The following CHCHD3 variants were observed in gnomAD, a reference collection of about 807,000 sequenced individuals.
The protein encoded by CHCHD3 is MICOS complex subunit MIC19.
Under a neutral mutation model 38.2 loss-of-function variants are expected in CHCHD3, and 20 were observed. The ratio of observed to expected loss-of-function variants is 0.52; its 90% CI spans 0.37 to 0.76. The LOEUF is 0.76. Ranked by LOEUF, CHCHD3 falls within the 30% of genes least tolerant of loss-of-function variation. The probability of loss-of-function intolerance (pLI) is 0.00; values close to 1 mark genes in which losing one functional copy is unlikely to be tolerated. For missense variants in CHCHD3, 245 were observed against 279.2 expected (o/e 0.88, Z 0.87); for synonymous variants, 82 against 100.0 (o/e 0.82, Z 1.07).
chr7:132,935,033 G>A (rs1334364725), intron 4 of CHCHD3, among the ~76,000 whole-genome samples: 1 of 152,190 alleles, frequency 6.6e-6, no homozygotes, highest in Non-Finnish European at 1.5e-5. Flanking sequence ...GGAAAGACAA[G>A]TTCTGAGTAT....
intron 4 of CHCHD3, among the ~76,000 whole-genome samples, chr7:132,932,602 T>G (rs1016398946): frequency 2.6e-5 from 4 of 152,214 alleles, no homozygotes; most frequent in Non-Finnish European, 5.9e-5. Context: ...CAAGTTAAGC[T>G]GCCGCACACA....
In CHCHD3 at chr7:132,824,314, CTTTTT is replaced by C. The variant is rs57262694; in HGVS notation, c.524+14080_524+14084del. 2.4e-4 allele frequency among the ~76,000 whole-genome samples: 22 copies of C among 90,128 alleles called. No individual in the cohort carries two copies. The South Asian group carries it at 3.1e-3, about 13-fold the overall frequency. 59.1% of individuals were successfully genotyped at this position (90,128 alleles called of 152,430 possible). A position where few individuals can be genotyped will look rare whatever the true frequency, so the allele number is the denominator to read the frequency against. On this transcript the variant is annotated intron_variant, in intron 6 of 7. Coordinates refer to ENST00000262570, the MANE Select transcript of CHCHD3 (RefSeq NM_017812.4). ...AAAAATATTCCCAAGTAGTAGAACT[CTTTTT>C]TTTTTTTTTTTTTTTTTGAGACGGA...
At chr7:132,922,457 A>G (rs1266200303) in intron 4 of CHCHD3, among the ~76,000 whole-genome samples, 3 of 152,174 alleles carry the variant, frequency 2.0e-5, no homozygotes, top group East Asian at 3.9e-4. Flanking sequence ...TCCCACTGCA[A>G]TGCAACTCAC....
At chr7:133,062,446 T>C (rs1814544009) in intron 2 of CHCHD3, among the ~76,000 whole-genome samples, 2 of 152,324 alleles carry the variant, frequency 1.3e-5, no homozygotes, top group African/African-American at 2.4e-5. Flanking sequence ...TCTTGAAGCA[T>C]GATTACAAAA....
chr7:132,963,199 A>G (rs1171742278), intron 4 of CHCHD3, among the ~76,000 whole-genome samples: 2 of 149,728 alleles, frequency 1.3e-5, no homozygotes, highest in Non-Finnish European at 3.0e-5. Flanking sequence ...AGAATGATAA[A>G]GTGTGGTAAA....
intron 4 of CHCHD3, among the ~76,000 whole-genome samples, chr7:132,953,099 T>C (rs936847934): frequency 1.3e-5 from 1 of 75,694 alleles, no homozygotes; most frequent in African/African-American, 5.5e-5. Flanking sequence ...ACTAATGTCA[T>C]CCATCAAGGA....
chr7:133,040,211 CA>C (rs555405399), intron 2 of CHCHD3, among the ~76,000 whole-genome samples: 135 of 152,170 alleles, frequency 8.9e-4, no homozygotes, highest in Non-Finnish European at 1.7e-3. Flanking sequence ...GAAGAGACCT[CA>C]GAGCAGAAGC....
chr7:133,075,984 A>T (rs1407425232), intron 1 of CHCHD3, among the ~76,000 whole-genome samples: 1 of 147,192 alleles, frequency 6.8e-6, no homozygotes, highest in African/African-American at 2.5e-5. Flanking sequence ...GCTTGAACCC[A>T]GAAGGTGGAG....
intron 2 of CHCHD3, among the ~76,000 whole-genome samples, chr7:133,045,491 A>G (rs1813958356): frequency 6.6e-6 from 1 of 152,190 alleles, no homozygotes; most frequent in African/African-American, 2.4e-5. Flanking sequence ...TATAGAAGGC[A>G]AAGGCTTTTT....
chr7:132,813,471 A>T (rs1807124801), intron 6 of CHCHD3: 1 of 152,076 alleles, frequency 6.6e-6, no homozygotes, highest in Non-Finnish European at 1.5e-5. Flanking sequence ...TAAGATGCAA[A>T]TTTTTCCTCA....
rs147323373 is a variant in CHCHD3 at position 132,941,191 on chromosome 7, T to C, written c.369+33978A>G. Among the ~76,000 whole-genome samples the C allele has an allele frequency of 6.5e-4, 99 of 152,292 alleles. No individual in the cohort carries two copies. In the Middle Eastern group the frequency reaches 0.024, roughly 37 times the overall value. Reference sequence around the variant, plus strand: ...TGAGACTATATCCAATGTTAAGAAATAGCTAAATATTGATGATAACAGTTC... The same window carrying C: ...TGAGACTATATCCAATGTTAAGAAACAGCTAAATATTGATGATAACAGTTC... On this transcript the variant is annotated intron_variant, in intron 4 of 7. Transcript: ENST00000262570.
intron 4 of CHCHD3, among the ~76,000 whole-genome samples, chr7:132,888,306 A>C (rs929344058): frequency 6.6e-6 from 1 of 151,908 alleles, no homozygotes; most frequent in African/African-American, 2.4e-5. Context: ...CATACTTTAT[A>C]GTCAAGGGGC....
At chr7:132,858,251 T>C (rs145695564) in intron 5 of CHCHD3, among the ~76,000 whole-genome samples, 6 of 152,152 alleles carry the variant, frequency 3.9e-5, no homozygotes, top group Admixed American at 3.9e-4. Context: ...TCAGTAGAGA[T>C]GGGGTTTCAC....
chr7:133,030,433 G>A (rs1262011003), intron 2 of CHCHD3, among the ~76,000 whole-genome samples: 6 of 152,206 alleles, frequency 3.9e-5, no homozygotes, highest in Non-Finnish European at 4.4e-5. Flanking sequence ...GGAAGGGCTA[G>A]TTTAAGAGAA....
intron 3 of CHCHD3, among the ~76,000 whole-genome samples, chr7:133,020,765 C>T (rs1355899312): frequency 1.3e-5 from 2 of 152,040 alleles, no homozygotes; most frequent in East Asian, 1.9e-4. Flanking sequence ...GTTGTGTCAC[C>T]GAGGTTTTGA....
chr7:133,030,891 G>T (rs1813482122), intron 2 of CHCHD3, among the ~76,000 whole-genome samples: 1 of 152,096 alleles, frequency 6.6e-6, no homozygotes, highest in South Asian at 2.1e-4. Context: ...CCATTTACTT[G>T]AAACCATTAC....
intron 6 of CHCHD3, among the ~76,000 whole-genome samples, chr7:132,825,057 G>C (rs928283277): frequency 2.6e-5 from 4 of 152,060 alleles, no homozygotes; most frequent in Admixed American, 1.3e-4. Flanking sequence ...ATCAAGTTTT[G>C]ATGCTTCTGC....
intron 4 of CHCHD3, among the ~76,000 whole-genome samples, chr7:132,919,564 G>A (rs1810208390): frequency 5.3e-5 from 8 of 152,182 alleles, no homozygotes; most frequent in Admixed American, 3.3e-4. Flanking sequence ...TTCAACATCT[G>A]TAGTAATTCT....
intron 4 of CHCHD3, among the ~76,000 whole-genome samples, chr7:132,898,057 T>C (rs1424261423): frequency 2.6e-5 from 4 of 152,016 alleles, no homozygotes; most frequent in African/African-American, 9.7e-5. Context: ...TGGAGTTGTT[T>C]GTTCCTCCCG....
Sources: gnomAD v4.1 joint callset for allele counts (sites outside exome capture counted in the v4.1 genomes callset) on GRCh38, gnomAD v4.1.1 for gene constraint, MANE v1.5 for transcripts, NCBI Gene and HGNC (gene_info 2026-07-23, HGNC 2026-07-21) for gene names.